Variants in SMAP1 observed in about 807,000 individuals in gnomAD.
SMAP1 encodes the protein stromal membrane-associated protein 1.
In SMAP1, 24 loss-of-function variants were observed where a neutral mutation model predicts 58.5. The observed-to-expected ratio is 0.41, with a 90% confidence interval of 0.30 to 0.58. The LOEUF is 0.58. SMAP1 is among the 20% of genes least tolerant of loss of function. The pLI, the probability that SMAP1 is intolerant of heterozygous loss-of-function variation, is 0.29. For synonymous variants in SMAP1, 216 were observed against 196.6 expected, an observed-to-expected ratio of 1.10 and a Z score of -0.82; for missense variants, 563 against 566.3, an observed-to-expected ratio of 0.99 and a Z score of 0.06.
At chr6:70,773,711 G>A (rs559661172) in intron 4 of SMAP1, among the ~76,000 whole-genome samples, 14 of 152,188 alleles carry the variant, frequency 9.2e-5, no homozygotes, top group Admixed American at 7.2e-4. Context: ...TGGTGGGAGA[G>A]AAATTTTTTC....
chr6:70,769,587 T>G (rs557930239), intron 3 of SMAP1, among the ~76,000 whole-genome samples: 1 of 152,280 alleles, frequency 6.6e-6, no homozygotes, highest in African/African-American at 2.4e-5. Context: ...CTGCCTTTTT[T>G]TGTTTTCCAT....
intron 1 of SMAP1, among the ~76,000 whole-genome samples, chr6:70,675,255 A>T (rs1245205834): frequency 7.4e-6 from 1 of 134,308 alleles, no homozygotes; most frequent in Non-Finnish European, 1.5e-5. Flanking sequence ...CACTTTACAT[A>T]TACTAACTCA....
intron 1 of SMAP1, chr6:70,668,841 G>C (rs1257968838): frequency 8.7e-7 from 1 of 1,146,216 alleles, no homozygotes; most frequent in Non-Finnish European, 1.2e-6. Context: ...CTTGGAGGAC[G>C]GTGGGTTTGT....
chr6:70,817,716 A>G (rs1189783148), intron 6 of SMAP1, among the ~76,000 whole-genome samples: 2 of 152,188 alleles, frequency 1.3e-5, no homozygotes, highest in Non-Finnish European at 2.9e-5. Context: ...AGAGGGGTCA[A>G]AAAATGAATT....
intron 7 of SMAP1, among the ~76,000 whole-genome samples, chr6:70,851,346 G>A (rs1276492732): frequency 1.3e-5 from 2 of 152,178 alleles, no homozygotes; most frequent in East Asian, 1.9e-4. Flanking sequence ...GTGGATTGTG[G>A]TGGAAATATG....
intron 1 of SMAP1, among the ~76,000 whole-genome samples, chr6:70,699,383 A>G (rs556850516): frequency 9.9e-4 from 150 of 151,940 alleles, no homozygotes; most frequent in Non-Finnish European, 2.1e-3. Context: ...CTTACCCGGG[A>G]CCTGTGGCGA....
chr6:70,787,222 A>T (rs1358310950), intron 4 of SMAP1, among the ~76,000 whole-genome samples: 5 of 152,140 alleles, frequency 3.3e-5, no homozygotes, highest in Non-Finnish European at 5.9e-5. Context: ...TTAATAAATG[A>T]TGCTGGGGAA....
intron 1 of SMAP1, among the ~76,000 whole-genome samples, chr6:70,672,453 G>A (rs555474357): frequency 1.5e-4 from 23 of 152,268 alleles, no homozygotes; most frequent in African/African-American, 5.5e-4. Flanking sequence ...GATCCTCTGA[G>A]ATTAGGTTAG....
chr6:70,706,078 G>A lies in SMAP1; in HGVS notation c.119-26300G>A, dbSNP rs530217820. ...GTGGTTAGGAAGAGAAGAAAGTTTT[G>A]GATAATGGGATAATTAGAAACACCG... On this transcript the variant is annotated intron_variant, in intron 1 of 10. Transcript: ENST00000370455. Among the ~76,000 whole-genome samples, 4 of 152,174 alleles carry A rather than the reference G, an allele frequency of 2.6e-5. No individual in the cohort carries two copies. The South Asian group carries it at 6.2e-4, about 24-fold the overall frequency.
chr6:70,790,715 G>A (rs1768313876), intron 4 of SMAP1, among the ~76,000 whole-genome samples: 1 of 152,128 alleles, frequency 6.6e-6, no homozygotes, highest in Admixed American at 6.5e-5. Context: ...CAAGCAGATT[G>A]AGGGAGGACT....
intron 2 of SMAP1, among the ~76,000 whole-genome samples, chr6:70,743,419 A>G (rs1765895016): frequency 6.6e-6 from 1 of 152,186 alleles, no homozygotes; most frequent in African/African-American, 2.4e-5. Context: ...CTGTTAAAGA[A>G]TTTTTATGAT....
At chr6:70,674,923 C>T (rs1221603893) in intron 1 of SMAP1, among the ~76,000 whole-genome samples, 16 of 152,086 alleles carry the variant, frequency 1.1e-4, no homozygotes, top group Non-Finnish European at 2.2e-4. Context: ...TGCAGTGAGC[C>T]GAGATGGCGC....
At chr6:70,827,865 TAAATCCTAA>T (rs1343816065) in intron 6 of SMAP1, among the ~76,000 whole-genome samples, 3 of 152,178 alleles carry the variant, frequency 2.0e-5, no homozygotes, top group Admixed American at 6.5e-5. Context: ...TAGATTGTAA[TAAATCCTAA>T]AAATACAATT....
At chr6:70,834,483 A>T (rs2504758) in intron 6 of SMAP1, among the ~76,000 whole-genome samples, 151,818 of 152,326 alleles carry the variant, frequency 1, 75,657 homozygotes, top group Middle Eastern at 1. Flanking sequence ...GCGGAATGAA[A>T]GTGTTTGGCC....
intron 4 of SMAP1, among the ~76,000 whole-genome samples, chr6:70,782,265 T>C (rs1008005145): frequency 2.6e-5 from 4 of 152,226 alleles, no homozygotes; most frequent in Admixed American, 2.6e-4. Flanking sequence ...CAGTAAAGTA[T>C]GTTAGCAAGC....
intron 2 of SMAP1, chr6:70,734,568 C>T (rs576690396): frequency 6.6e-6 from 1 of 152,622 alleles, no homozygotes; most frequent in East Asian, 1.9e-4. Flanking sequence ...TGGCCACAGC[C>T]TGCTGCTCAG....
chr6:70,819,625 T>G (rs1769798331), intron 6 of SMAP1, among the ~76,000 whole-genome samples: 1 of 152,220 alleles, frequency 6.6e-6, no homozygotes, highest in East Asian at 1.9e-4. Context: ...GAAGGTTGTT[T>G]AGACCCAGAT....
chr6:70,771,636 T>C (rs1322226530), intron 3 of SMAP1, among the ~76,000 whole-genome samples: 5 of 152,126 alleles, frequency 3.3e-5, no homozygotes, highest in African/African-American at 1.2e-4. Flanking sequence ...GTGACCCGAT[T>C]TTCCAGGTGC....
At chr6:70,814,152 T>G (rs1158161532) in intron 6 of SMAP1, among the ~76,000 whole-genome samples, 4 of 152,176 alleles carry the variant, frequency 2.6e-5, no homozygotes, top group Non-Finnish European at 5.9e-5. Flanking sequence ...ATGGCTGTTC[T>G]GTCTTTTACA....
Sources: gnomAD v4.1 joint callset for allele counts (sites outside exome capture counted in the v4.1 genomes callset) on GRCh38, gnomAD v4.1.1 for gene constraint, MANE v1.5 for transcripts, NCBI Gene and HGNC (gene_info 2026-07-23, HGNC 2026-07-21) for gene names.